The following LRRK2 variants were observed in gnomAD, a reference collection of about 807,000 sequenced individuals.
LRRK2 encodes leucine-rich repeat serine/threonine-protein kinase 2.
A neutral mutation model predicts 302.6 loss-of-function variants in LRRK2; 203 were observed. The ratio of observed to expected loss-of-function variants is 0.67; its 90% confidence interval spans 0.60 to 0.75. The LOEUF (loss-of-function observed/expected upper bound fraction) is 0.75. Ranked by LOEUF, LRRK2 falls within the 30% of genes least tolerant of loss-of-function variation. LRRK2 has a pLI of 0.00. For synonymous variants in LRRK2, 1,066 were observed against 1,031.9 expected (o/e 1.03, Z -0.63); for missense variants, 2,830 against 2,951.0 (o/e 0.96, Z 0.95).
At chr12:40,309,967 T>A (rs1177991008) in intron 30 of LRRK2, among the ~76,000 whole-genome samples, 2 of 152,232 alleles carry the variant, frequency 1.3e-5, no homozygotes, top group Non-Finnish European at 2.9e-5. Context: ...CAGTCATATT[T>A]GCTTGAGTGG....
In LRRK2 at chr12:40,225,572, G is replaced by T. The variant is rs370488844; in HGVS notation, c.169G>T (p.Gly57Cys). ...TTTTCCAGCCTCCAAGTTATTTCAAGGCAAAAATATCCATGTGCCTCTGTT... is the reference window on the plus strand; with the variant it reads ...TTTTCCAGCCTCCAAGTTATTTCAATGCAAAAATATCCATGTGCCTCTGTT... ...YSERASKLFQ[G>C]KNIHVPLLIV... Residue 57 changes from glycine (G) to cysteine (C), a missense_variant, in exon 2 of 51, where the codon GGC (glycine) becomes TGC (cysteine). Gly to Cys is a radical substitution (Grantham distance 159, BLOSUM62 -3). Transcript: ENST00000298910. 3 of 1,614,094 alleles carry T rather than the reference G, an allele frequency of 1.9e-6. No homozygotes were observed. In the South Asian group the frequency reaches 3.3e-5, roughly 18 times the overall value.
At chr12:40,282,334 T>C (rs1275543058) in intron 18 of LRRK2, among the ~76,000 whole-genome samples, 1 of 151,968 alleles carries the variant, frequency 6.6e-6, no homozygotes, top group East Asian at 1.9e-4. Flanking sequence ...CAAGTTGGAT[T>C]GCAGTAATGT....
Position 40,243,667 on chromosome 12 carries a change from A to G in LRRK2, c.824A>G (p.His275Arg), listed in dbSNP as rs749340849. The change falls in exon 7 of 51, where the codon CAT (histidine) becomes CGT (arginine). Residue 275 changes from histidine to arginine, a missense_variant. Physicochemically the swap from His to Arg is conservative, Grantham distance 29. Coordinates refer to ENST00000298910, the MANE Select transcript of LRRK2 (RefSeq NM_198578.4). Reference sequence around the variant, plus strand: ...CAAGAAGTGAGTTGCTGTTTGCTCCATAGGCTTACATTAGGTGAGTTTCTT... The same window carrying G: ...CAAGAAGTGAGTTGCTGTTTGCTCCGTAGGCTTACATTAGGTGAGTTTCTT... Reference protein sequence around the residue: ...RIQEVSCCLLHRLTLGNFFNI... With the variant: ...RIQEVSCCLLRRLTLGNFFNI... 6 of 1,611,672 alleles carry G rather than the reference A, an allele frequency of 3.7e-6. No homozygotes were observed. The highest frequency in any genetic ancestry group is 1.1e-5 in the South Asian group (1 of 91,050).
chr12:40,275,491 C>A (rs1334512319), intron 16 of LRRK2, among the ~76,000 whole-genome samples: 1 of 149,634 alleles, frequency 6.7e-6, no homozygotes, highest in Non-Finnish European at 1.5e-5. Context: ...AGAGTTAGTT[C>A]ACGGGAGATT....
intron 49 of LRRK2, chr12:40,366,488 C>CT (rs779710483): frequency 3.1e-4 from 48 of 154,482 alleles, no homozygotes; most frequent in Non-Finnish European, 5.6e-4. Flanking sequence ...TTGTTTACCC[C>CT]TTTTTTCCCA....
intron 38 of LRRK2, among the ~76,000 whole-genome samples, chr12:40,324,194 C>T (rs969356964): frequency 1.3e-5 from 2 of 151,848 alleles, no homozygotes; most frequent in African/African-American, 4.8e-5. Flanking sequence ...CTGTCTGGCT[C>T]CTCGGTTATC....
intron 43 of LRRK2, among the ~76,000 whole-genome samples, chr12:40,351,086 C>T (rs1388669264): frequency 6.6e-6 from 1 of 152,060 alleles, no homozygotes; most frequent in Non-Finnish European, 1.5e-5. Flanking sequence ...CACACTGTCT[C>T]TCCAGATCAA....
chr12:40,265,380 T>A (rs529750992), intron 14 of LRRK2, among the ~76,000 whole-genome samples: 1 of 152,290 alleles, frequency 6.6e-6, no homozygotes, highest in Admixed American at 6.5e-5. Flanking sequence ...GAGTAATTTA[T>A]TGCAAAAGAA....
intron 21 of LRRK2, among the ~76,000 whole-genome samples, chr12:40,294,618 T>C (rs906156515): frequency 6.6e-6 from 1 of 152,064 alleles, no homozygotes; most frequent in East Asian, 1.9e-4. Flanking sequence ...TCAGTTTCCT[T>C]ATATTTAAAA....
intron 3 of LRRK2, chr12:40,232,835 T>C (rs551051752): frequency 8.5e-5 from 13 of 153,596 alleles, no homozygotes; most frequent in African/African-American, 2.9e-4. Flanking sequence ...TTCCTATATA[T>C]ACAGTAAGTT....
chr12:40,252,029 T>C (rs1942297343), intron 10 of LRRK2, among the ~76,000 whole-genome samples: 1 of 152,198 alleles, frequency 6.6e-6, no homozygotes, highest in Non-Finnish European at 1.5e-5. Flanking sequence ...CTGTCATCTC[T>C]GGATAACTCT....
intron 7 of LRRK2, among the ~76,000 whole-genome samples, chr12:40,245,882 A>G (rs1941957161): frequency 6.6e-6 from 1 of 152,034 alleles, no homozygotes; most frequent in Admixed American, 6.6e-5. Flanking sequence ...CCTAGCAATT[A>G]TATAATTTGT....
At chr12:40,358,108 G>C (rs1054733416) in intron 46 of LRRK2, among the ~76,000 whole-genome samples, 1 of 149,554 alleles carries the variant, frequency 6.7e-6, no homozygotes, top group African/African-American at 2.5e-5. Context: ...TTTTTTTCCT[G>C]TTGAATTGCT....
intron 18 of LRRK2, among the ~76,000 whole-genome samples, chr12:40,280,929 G>A (rs1321918196): frequency 1.3e-5 from 2 of 151,684 alleles, no homozygotes; most frequent in African/African-American, 4.8e-5. Flanking sequence ...TTAGCCAGGC[G>A]TGGTGGCAGG....
intron 26 of LRRK2, among the ~76,000 whole-genome samples, chr12:40,303,088 G>T (rs568092853): frequency 6.6e-6 from 1 of 152,176 alleles, no homozygotes; most frequent in Admixed American, 6.5e-5. Flanking sequence ...GTGGATCATT[G>T]TGTAAAAACA....
chr12:40,269,762 T>G (rs1855766886), intron 14 of LRRK2, among the ~76,000 whole-genome samples: 1 of 152,170 alleles, frequency 6.6e-6, no homozygotes, highest in African/African-American at 2.4e-5. Context: ...TGTGTACGAA[T>G]GTATTTCCCA....
In LRRK2 at chr12:40,305,880, A is replaced by G. The variant is rs1944803924; in HGVS notation, c.3873A>G (p.Leu1291=). The G allele has an allele frequency of 1.2e-6, 2 of 1,613,632 alleles. No individual in the cohort carries two copies. The highest frequency in any genetic ancestry group is 4.5e-5 in the East Asian group (2 of 44,850). Residue 1291 remains leucine (L), a synonymous_variant, in exon 28 of 51, where the codon TTA becomes TTG. Coordinates refer to ENST00000298910, the MANE Select transcript of LRRK2 (RefSeq NM_198578.4). The stretch of plus-strand genomic sequence containing the variant: ...CCTTTCCCAATGAAATGGGGAAATT[A>G]AGCAAAATATGGGATCTTCCTTTGG... ...LRSFPNEMGK[L]SKIWDLPLDE...
intron 19 of LRRK2, 59 bp downstream of exon 19, chr12:40,284,192 C>CACTAAAAG: frequency 1.4e-6 from 2 of 1,462,638 alleles, no homozygotes; most frequent in Non-Finnish European, 1.9e-6. Context: ...TTTTTTAAGT[C>CACTAAAAG]ACTAGTCTTT....
chr12:40,263,538 T>A (rs181751173), intron 13 of LRRK2, among the ~76,000 whole-genome samples: 1 of 152,300 alleles, frequency 6.6e-6, no homozygotes, highest in Admixed American at 6.5e-5. Flanking sequence ...TTCTTCACCA[T>A]CGTAATTTTT....
Sources: gnomAD v4.1 joint callset for allele counts (sites outside exome capture counted in the v4.1 genomes callset) on GRCh38, gnomAD v4.1.1 for gene constraint, MANE v1.5 for transcripts, NCBI Gene and HGNC (gene_info 2026-07-23, HGNC 2026-07-21) for gene names.